The following LAMA2 variants were observed in gnomAD, a reference collection of about 807,000 sequenced individuals.
The protein encoded by LAMA2 is laminin subunit alpha 2.
LAMA2 carries 269 observed loss-of-function variants against 364.8 expected under a neutral mutation model. The ratio of observed to expected loss-of-function variants is 0.74; its 90% CI spans 0.67 to 0.82. LAMA2 has a LOEUF of 0.82. LAMA2 is among the 40% of genes least tolerant of loss of function. The pLI, the probability that LAMA2 is intolerant of heterozygous loss-of-function variation, is 0.00. For synonymous variants in LAMA2, 1,379 were observed against 1,370.6 expected (o/e 1.01, Z -0.14); for missense variants, 3,807 against 3,873.2 (o/e 0.98, Z 0.45).
At position 129,505,336 on chromosome 6, in the gene LAMA2, C is replaced by G. The variant is rs200705442; in HGVS notation, c.8684C>G (p.Thr2895Ser). The change falls in exon 61 of 65, where the codon ACT becomes AGT. Residue 2895 changes from threonine (T) to serine (S), a missense_variant. By Grantham distance (58) the Thr-to-Ser change is moderately conservative. Transcript: ENST00000421865. The stretch of plus-strand genomic sequence containing the variant: ...GTTGGTGGGTTACCCATCAACTACA[C>G]TACCCGAAGAATTGGTCCAGTAAAT... ...LYVGGLPINY[T>S]TRRIGPVTYS... 2.4e-4 allele frequency: 391 copies of G among 1,613,488 alleles called. 1 individual carries two copies. In the South Asian group the frequency reaches 3.9e-3, roughly 16 times the overall value.
At chr6:129,470,416 C>A (rs1358609536) in intron 51 of LAMA2, among the ~76,000 whole-genome samples, 3 of 151,822 alleles carry the variant, frequency 2.0e-5, no homozygotes, top group Admixed American at 6.6e-5. Context: ...GTCATCAATA[C>A]ATTGTAAGTA....
In LAMA2 at chr6:129,402,387, G is replaced by A. The variant is rs1222657848; in HGVS notation, c.5626G>A (p.Asp1876Asn). 11 of 1,613,694 alleles carry A rather than the reference G, an allele frequency of 6.8e-6. No homozygotes were observed. The highest frequency in any genetic ancestry group is 1.6e-4 in the Middle Eastern group (1 of 6,084). Residue 1876 changes from aspartate (D) to asparagine (N), a missense_variant, in exon 39 of 65, where the codon GAC (aspartate) becomes AAC (asparagine). Asp to Asn is a conservative substitution (Grantham distance 23). This residue lies in a region of LAMA2 where 3,333 missense variants were observed against 3,345.7 expected (regional missense o/e 1.00). Transcript: ENST00000421865. The part of the protein sequence containing the change: ...MSEELNDKID[D>N]LSQEIKDRKL... ...TGAGGAGCTTAATGATAAAATAGAT[G>A]ACCTCTCCCAAGAAATAAAGGACAG...
intron 12 of LAMA2, among the ~76,000 whole-genome samples, chr6:129,220,629 C>T (rs1265537250): frequency 6.6e-6 from 1 of 152,134 alleles, no homozygotes; most frequent in South Asian, 2.1e-4. Flanking sequence ...AGCTTTGAAG[C>T]TTTTTGTTAA....
chr6:129,476,945 G>A (rs1784095559), intron 53 of LAMA2, among the ~76,000 whole-genome samples: 1 of 152,064 alleles, frequency 6.6e-6, no homozygotes, highest in Non-Finnish European at 1.5e-5. Context: ...ACACTGCCAA[G>A]GTCTAATTTG....
At chr6:129,115,954 C>A (rs1389538031) in intron 4 of LAMA2, among the ~76,000 whole-genome samples, 1 of 152,100 alleles carries the variant, frequency 6.6e-6, no homozygotes, top group Non-Finnish European at 1.5e-5. Context: ...TTCTTCTTTT[C>A]CTGACCTCCT....
At position 129,252,200 on chromosome 6, in the gene LAMA2, T is replaced by C. The variant is rs138600346; in HGVS notation, c.2001T>C (p.Phe667=). ...EESFTIHGTH[F]PVRRKEFMTV... is the part of the protein sequence containing the mutation. ...CATTTACCATACATGGCACACATTT[T>C]CCAGTCCGTAGAAAGGAATTTATGA... Residue 667 remains phenylalanine, a synonymous_variant, in exon 14 of 65, where the codon TTT becomes TTC. Transcript: ENST00000421865. 24 of 1,613,868 alleles carry C rather than the reference T, an allele frequency of 1.5e-5. No homozygotes were observed. The highest frequency in any genetic ancestry group is 2.0e-5 in the Non-Finnish European group (24 of 1,179,896).
chr6:129,024,175 C>G (rs556955214), intron 1 of LAMA2, among the ~76,000 whole-genome samples: 2 of 151,920 alleles, frequency 1.3e-5, no homozygotes, highest in South Asian at 4.2e-4. Flanking sequence ...ATATAAAACT[C>G]AAATAAACCT....
chr6:129,313,568 T>C (rs1056831343), intron 23 of LAMA2, among the ~76,000 whole-genome samples: 4 of 152,220 alleles, frequency 2.6e-5, no homozygotes, highest in African/African-American at 9.7e-5. Flanking sequence ...TCAACACATA[T>C]AAACGCTGTC....
chr6:129,483,538 ACT>A (rs1784454967), intron 55 of LAMA2, among the ~76,000 whole-genome samples: 1 of 152,148 alleles, frequency 6.6e-6, no homozygotes, highest in African/African-American at 2.4e-5. Context: ...GATATTAAAG[ACT>A]CAATATTAAA....
At chr6:129,214,372 G>T (rs896872882) in intron 12 of LAMA2, among the ~76,000 whole-genome samples, 9 of 152,112 alleles carry the variant, frequency 5.9e-5, no homozygotes, top group Admixed American at 3.9e-4. Context: ...TCTAAGAAAG[G>T]TATTAATTCC....
chr6:129,315,739 C>T, intron 25 of LAMA2, 23 bp from the exon 26 acceptor site: 1 of 1,612,824 alleles, frequency 6.2e-7, no homozygotes, highest in Non-Finnish European at 8.5e-7. Context: ...TCCAATTCCT[C>T]ATTCTTCTTT....
intron 4 of LAMA2, among the ~76,000 whole-genome samples, chr6:129,137,523 A>T (rs1428466083): frequency 4.6e-5 from 7 of 152,120 alleles, no homozygotes; most frequent in African/African-American, 7.2e-5. Flanking sequence ...TAATATTTTT[A>T]AAAATAAGTT....
chr6:129,069,000 C>A (rs1773125147), intron 3 of LAMA2, among the ~76,000 whole-genome samples: 1 of 151,920 alleles, frequency 6.6e-6, no homozygotes, highest in African/African-American at 2.4e-5. Flanking sequence ...CTAGCAATAC[C>A]ATGAAAATGT....
intron 4 of LAMA2, among the ~76,000 whole-genome samples, chr6:129,105,593 A>G (rs1347551088): frequency 2.0e-5 from 3 of 152,200 alleles, no homozygotes; most frequent in Non-Finnish European, 2.9e-5. Flanking sequence ...AGAACAGGGC[A>G]CCAGTTATTT....
At chr6:129,477,003 A>AG (rs1245567709) in intron 53 of LAMA2, among the ~76,000 whole-genome samples, 1 of 152,140 alleles carries the variant, frequency 6.6e-6, no homozygotes, top group Non-Finnish European at 1.5e-5. Flanking sequence ...ATTAAGATAA[A>AG]AAAAGGAACT....
chr6:128,883,307 A>T lies in LAMA2; in HGVS notation c.62A>T (p.Gln21Leu). The T allele has an allele frequency of 6.3e-7, 1 of 1,595,266 alleles. No homozygotes were observed. The highest frequency in any genetic ancestry group is 8.5e-7 in the Non-Finnish European group (1 of 1,171,168). ...LLLSGGLGGV[Q>L]AQRPQQQRQS... Reference sequence around the variant, plus strand: ...CTCTCCGGAGGCCTCGGGGGCGTACAGGCGCAGCGGCCGCAGCAGCAGCGG... The same window carrying T: ...CTCTCCGGAGGCCTCGGGGGCGTACTGGCGCAGCGGCCGCAGCAGCAGCGG... The change falls in exon 1 of 65, where the codon CAG becomes CTG. Residue 21 changes from glutamine to leucine, a missense_variant. This residue lies in a region of LAMA2 where 394 missense variants were observed against 403.5 expected (regional missense o/e 0.98). Transcript: ENST00000421865.
At chr6:129,064,363 C>CAAAAA (rs61014931) in intron 3 of LAMA2, among the ~76,000 whole-genome samples, 1 of 117,518 alleles carries the variant, frequency 8.5e-6, no homozygotes, top group Admixed American at 8.4e-5. Flanking sequence ...TTCAAGAAAG[C>CAAAAA]AAAAAAAAAA....
intron 14 of LAMA2, among the ~76,000 whole-genome samples, chr6:129,259,926 T>C (rs915149699): frequency 1.3e-5 from 2 of 152,100 alleles, no homozygotes; most frequent in Non-Finnish European, 2.9e-5. Flanking sequence ...TACACAAAAA[T>C]AGGAAAAGCA....
rs551550818 is a variant in LAMA2 at position 128,922,975 on chromosome 6, G to A, written c.112+39618G>A. Among the ~76,000 whole-genome samples, 1,171 of 151,174 alleles carry A rather than the reference G, an allele frequency of 7.7e-3. 14 individuals carry two copies. Among genetic ancestry groups the A allele is most frequent in the Middle Eastern group, 0.034 (10 of 292 alleles). On this transcript the variant is annotated intron_variant, in intron 1 of 64. Transcript: ENST00000421865. ...ATTTATTAAATAGGGAATCCTTTCCGCATTGCTTGTTTTTCTCAGGTTTGT... is the reference window on the plus strand; with the variant it reads ...ATTTATTAAATAGGGAATCCTTTCCACATTGCTTGTTTTTCTCAGGTTTGT...
Sources: allele counts gnomAD v4.1 joint callset (sites outside exome capture counted in the v4.1 genomes callset), GRCh38; gene constraint gnomAD v4.1.1; regional missense constraint gnomAD v4.1.1; transcripts MANE v1.5; gene names NCBI Gene and HGNC (gene_info 2026-07-23, HGNC 2026-07-21).